Variants in SLC5A10 observed in about 807,000 individuals in gnomAD.
The protein encoded by SLC5A10 is solute carrier family 5 member 10, also known as sodium/mannose cotransporter SLC5A10.
A neutral mutation model predicts 68.9 loss-of-function variants in SLC5A10; 55 were observed. The observed-to-expected ratio is 0.80, with a 90% confidence interval of 0.64 to 1.00. SLC5A10 has a LOEUF of 1.00. SLC5A10 is among the 50% of genes least tolerant of loss of function. SLC5A10 has a pLI of 0.00. For missense variants in SLC5A10, 732 were observed against 819.3 expected (o/e 0.89, Z 1.30); for synonymous variants, 344 against 344.8 (o/e 1.00, Z 0.02).
At chr17:19,011,950 C>A (rs138749087) in intron 9 of SLC5A10, among the ~76,000 whole-genome samples, 12 of 151,912 alleles carry the variant, frequency 7.9e-5, no homozygotes, top group Admixed American at 7.9e-4. Context: ...AGAGGGAGCA[C>A]CAAGTCACAG....
intron 5 of SLC5A10, among the ~76,000 whole-genome samples, chr17:18,961,309 G>T (rs2042609786): frequency 6.6e-6 from 1 of 152,338 alleles, no homozygotes; most frequent in South Asian, 2.1e-4. Flanking sequence ...GTCCCTGGGG[G>T]CAGCTAGCTT....
rs936530732 is a variant in SLC5A10 at position 19,021,541 on chromosome 17, G to A, written c.*1110G>A. 2 of 328,478 alleles carry A rather than the reference G, an allele frequency of 6.1e-6. No individual in the cohort carries two copies. Among genetic ancestry groups the A allele is most frequent in the Non-Finnish European group, 1.1e-5 (2 of 181,296 alleles). 20.3% of individuals were successfully genotyped at this position (328,478 alleles called of 1,614,324 possible). On this transcript the variant is annotated 3_prime_UTR_variant, in exon 15 of 15. Coordinates refer to ENST00000395645, the MANE Select transcript of SLC5A10 (RefSeq NM_001042450.4). The surrounding 1 kb of genome is among the most constrained non-coding windows in gnomAD (Gnocchi z 4.1). ...CCAGGGGCCTTTTGAGGGAGGGGCA[G>A]GCAGGCCCAGTGGGTGGTCAGCCCA...
intron 9 of SLC5A10, among the ~76,000 whole-genome samples, chr17:19,007,212 G>A (rs921731171): frequency 8.8e-6 from 1 of 113,162 alleles, no homozygotes; most frequent in Non-Finnish European, 1.9e-5. Flanking sequence ...TTTTTTTTTG[G>A]CCATTCTGAT....
chr17:18,978,144 G>A lies in SLC5A10; in HGVS notation c.982+1155G>A, dbSNP rs373158765. The A allele has an allele frequency of 9.8e-6, 15 of 1,529,906 alleles. No individual in the cohort carries two copies. Among genetic ancestry groups the A allele is most frequent in the Middle Eastern group, 1.8e-4 (1 of 5,670 alleles). The allele number at this position is 1,529,906 out of a possible 1,614,324, so 94.8% of individuals were successfully genotyped here. On this transcript the variant is annotated intron_variant, in intron 9 of 14. Transcript: ENST00000395645. ...AGTACATCTGCCACAGGGACTGTCCGGGGCTTGGGCACGGGGGGCAATGGC... is the reference window on the plus strand; with the variant it reads ...AGTACATCTGCCACAGGGACTGTCCAGGGCTTGGGCACGGGGGGCAATGGC...
In SLC5A10 at chr17:18,959,130, T is replaced by C; in HGVS notation, c.184-5T>C. ...TGCTGATGCGTTTCCCTTTCTCTCCTCCAGATTGGAGCCTCCCTCTTCGCC... is the reference window on the plus strand; with the variant it reads ...TGCTGATGCGTTTCCCTTTCTCTCCCCCAGATTGGAGCCTCCCTCTTCGCC... On this transcript the variant is annotated splice_polypyrimidine_tract_variant and splice_region_variant and intron_variant, in intron 2 of 14. Transcript: ENST00000395645. 6.2e-7 allele frequency: 1 copy of C among 1,607,726 alleles called. No homozygotes were observed. Among genetic ancestry groups the C allele is most frequent in the South Asian group, 1.1e-5 (1 of 90,958 alleles).
rs748309718 is a variant in SLC5A10 at position 18,971,438 on chromosome 17, G to A, written c.846+220G>A. On this transcript the variant is annotated intron_variant, in intron 8 of 14. Coordinates refer to ENST00000395645, the MANE Select transcript of SLC5A10 (RefSeq NM_001042450.4). The surrounding 1 kb of genome is among the most constrained non-coding windows in gnomAD (Gnocchi z 5.5). Reference sequence around the variant, plus strand: ...GGCCCACTGGCTACCGCCCGTCCTGGCCTTTAGGTGCTTCGACTGAGACAG... The same window carrying A: ...GGCCCACTGGCTACCGCCCGTCCTGACCTTTAGGTGCTTCGACTGAGACAG... 12 of 1,613,746 alleles carry A rather than the reference G, an allele frequency of 7.4e-6. No individual in the cohort carries two copies. The highest frequency in any genetic ancestry group is 1.3e-5 in the African/African-American group (1 of 74,942).
At chr17:19,016,704 G>A (rs920209828) in intron 11 of SLC5A10, among the ~76,000 whole-genome samples, 6 of 152,172 alleles carry the variant, frequency 3.9e-5, no homozygotes, top group Non-Finnish European at 8.8e-5. Flanking sequence ...CACTGGGCAG[G>A]ACACTTCCAT....
rs759338719 is a variant in SLC5A10, at chr17:19,003,483, T to C, written c.983-9927T>C. 2.7e-6 allele frequency: 4 copies of C among 1,501,060 alleles called. No homozygotes were observed. The highest frequency in any genetic ancestry group is 2.8e-5 in the African/African-American group (2 of 71,030). 93.0% of individuals were successfully genotyped at this position (1,501,060 alleles called of 1,614,324 possible). Reference sequence around the variant, plus strand: ...GTATTGAGAGGGGTCCGGTGGCTGGTTGGGCCATGGCTCCAGGAGTCCCCG... The same window carrying C: ...GTATTGAGAGGGGTCCGGTGGCTGGCTGGGCCATGGCTCCAGGAGTCCCCG... On this transcript the variant is annotated intron_variant, in intron 9 of 14. Coordinates refer to ENST00000395645, the MANE Select transcript of SLC5A10 (RefSeq NM_001042450.4). The surrounding 1 kb of genome is among the most constrained non-coding windows in gnomAD (Gnocchi z 4.5).
intron 10 of SLC5A10, among the ~76,000 whole-genome samples, chr17:19,014,172 G>A (rs2044081432): frequency 6.6e-6 from 1 of 152,186 alleles, no homozygotes; most frequent in Non-Finnish European, 1.5e-5. Flanking sequence ...ACGGGCAAGA[G>A]TTTGTAGAGG....
chr17:18,973,884 GTTTT>G (rs35778801), intron 8 of SLC5A10, among the ~76,000 whole-genome samples: 3 of 95,740 alleles, frequency 3.1e-5, no homozygotes, highest in African/African-American at 8.1e-5. Context: ...TTTTTTTTAA[GTTTT>G]TTTTTTTTTT....
intron 9 of SLC5A10, chr17:18,977,574 C>G (rs911984177): frequency 3.7e-6 from 6 of 1,605,046 alleles, no homozygotes; most frequent in Non-Finnish European, 5.1e-6. Context: ...GTGCAGGGAC[C>G]CTGACCCACC....
chr17:19,013,639 T>A, intron 10 of SLC5A10, 122 bp downstream of exon 10: 1 of 148,750 alleles, frequency 6.7e-6, no homozygotes, highest in East Asian at 5.0e-5. Context: ...GTCACTTCCC[T>A]GCTTGGAGCC....
At chr17:18,990,658 G>A (rs2043395217) in intron 9 of SLC5A10, among the ~76,000 whole-genome samples, 1 of 152,218 alleles carries the variant, frequency 6.6e-6, no homozygotes, top group African/African-American at 2.4e-5. Context: ...TGTCAGGTTG[G>A]ATATGTTGGA....
chr17:19,003,232 G>A lies in SLC5A10; in HGVS notation c.983-10178G>A, dbSNP rs2043777278. On this transcript the variant is annotated intron_variant, in intron 9 of 14. Transcript: ENST00000395645. The surrounding 1 kb of genome is among the most constrained non-coding windows in gnomAD (Gnocchi z 4.5). ...TCCCCTCCCCACTCCACCCTATCTCGGTGCCTTCTTCTGGGGAACCAGAAA... is the reference window on the plus strand; with the variant it reads ...TCCCCTCCCCACTCCACCCTATCTCAGTGCCTTCTTCTGGGGAACCAGAAA... 6.6e-6 allele frequency among the ~76,000 whole-genome samples: 1 copy of A among 150,938 alleles called. No homozygotes were observed. The highest frequency in any genetic ancestry group is 1.5e-5 in the Non-Finnish European group (1 of 67,688).
chr17:19,017,273 C>T lies in SLC5A10; in HGVS notation c.1241+2074C>T, dbSNP rs1165566437. ...CAGGCTGGCCAGCTCAACTTCCCGT[C>T]CCTCTTACAGCACTGGGATACCCTC... On this transcript the variant is annotated intron_variant, in intron 11 of 14. Coordinates refer to ENST00000395645, the MANE Select transcript of SLC5A10 (RefSeq NM_001042450.4). This position sits in a 1 kb window ranked among gnomAD's most constrained non-coding sequence, Gnocchi z 5.6. The T allele has an allele frequency of 6.4e-7, 1 of 1,551,572 alleles. No individual in the cohort carries two copies.
intron 1 of SLC5A10, among the ~76,000 whole-genome samples, chr17:18,956,463 C>CTT (rs2042503517): frequency 2.5e-5 from 3 of 119,126 alleles, no homozygotes; most frequent in African/African-American, 1.1e-4. Flanking sequence ...TTTTTTCTTT[C>CTT]TGTTTTTTTT....
rs2044188839 is a variant in SLC5A10 at position 19,018,584 on chromosome 17, T to C, written c.1242-839T>C. On this transcript the variant is annotated intron_variant, in intron 11 of 14. Transcript: ENST00000395645. This position sits in a 1 kb window ranked among gnomAD's most constrained non-coding sequence, Gnocchi z 4.2. Reference sequence around the variant, plus strand: ...AGGTGAGCACCTCACCAGTGGTTTGTTGGATGAACAAGTGTAGCATGTGCC... The same window carrying C: ...AGGTGAGCACCTCACCAGTGGTTTGCTGGATGAACAAGTGTAGCATGTGCC... 1 of 152,270 alleles carries C rather than the reference T, an allele frequency of 6.6e-6. No homozygotes were observed. Among genetic ancestry groups the C allele is most frequent in the African/African-American group, 2.4e-5 (1 of 41,444 alleles). 9.4% of individuals were successfully genotyped at this position (152,270 alleles called of 1,614,324 possible). A position where few individuals can be genotyped will look rare whatever the true frequency, so the allele number is the denominator to read the frequency against.
intron 9 of SLC5A10, chr17:18,978,439 C>T: frequency 6.2e-7 from 1 of 1,601,930 alleles, no homozygotes; most frequent in South Asian, 1.1e-5. Context: ...TGGGCAGGTA[C>T]TCAAACATGT....
chr17:19,020,434 C>T lies in SLC5A10; in HGVS notation c.*3C>T, dbSNP rs2044245517. ...TCTTTTATGCCTACTTCGCCTGACA[C>T]TGCCATCCTGGACAGAAAGGCAGGA... On this transcript the variant is annotated 3_prime_UTR_variant, in exon 15 of 15. Transcript: ENST00000395645. 1.9e-6 allele frequency: 3 copies of T among 1,613,428 alleles called. No individual in the cohort carries two copies. The South Asian group carries it at 3.3e-5, about 18-fold the overall frequency.
Sources: gnomAD v4.1 joint callset for allele counts (sites outside exome capture counted in the v4.1 genomes callset) on GRCh38, gnomAD v4.1.1 for gene constraint, Gnocchi (gnomAD v3.1) non-coding constraint, MANE v1.5 for transcripts, NCBI Gene and HGNC (gene_info 2026-07-23, HGNC 2026-07-21) for gene names.